HEMK2: variants seen among roughly 807,000 people sequenced by gnomAD.
HEMK2 encodes the protein HemK methyltransferase 2, ETF1 glutamine and histone H4 lysine.
the HEMK2 span, among the ~76,000 whole-genome samples, chr21:28,602,114 C>A: frequency 1.6e-4 from 24 of 152,106 alleles, no homozygotes; most frequent in Non-Finnish European, 2.2e-4. Flanking sequence ...ATTCATTTAA[C>A]TATGAAGGAG....
chr21:28,767,425 A>T, the HEMK2 span, among the ~76,000 whole-genome samples: 7 of 115,192 alleles, frequency 6.1e-5, no homozygotes, highest in South Asian at 2.5e-4. Context: ...CATGAGATTT[A>T]AAAAAAAAAA....
the HEMK2 span, among the ~76,000 whole-genome samples, chr21:28,644,573 G>A: frequency 6.6e-6 from 1 of 152,136 alleles, no homozygotes; most frequent in African/African-American, 2.4e-5. Flanking sequence ...CTTTCTCCCT[G>A]CTTATGTTTC....
the HEMK2 span, among the ~76,000 whole-genome samples, chr21:28,732,076 C>A: frequency 2.0e-5 from 3 of 152,348 alleles, no homozygotes; most frequent in East Asian, 5.8e-4. Context: ...GCCTCTCCTG[C>A]CGTTTTGTTC....
chr21:28,605,523 T>G, the HEMK2 span, among the ~76,000 whole-genome samples: 1 of 152,252 alleles, frequency 6.6e-6, no homozygotes, highest in Non-Finnish European at 1.5e-5. Flanking sequence ...GTGACTTTTT[T>G]TTTAACTAAG....
chr21:28,855,817 T>C, the HEMK2 span, among the ~76,000 whole-genome samples: 6 of 152,128 alleles, frequency 3.9e-5, no homozygotes, highest in Non-Finnish European at 8.8e-5. Flanking sequence ...TTGAAACTAA[T>C]GAGAACAAAC....
At chr21:28,830,473 T>C in the HEMK2 span, among the ~76,000 whole-genome samples, 2 of 152,180 alleles carry the variant, frequency 1.3e-5, no homozygotes, top group Non-Finnish European at 2.9e-5. Flanking sequence ...TATGGAACTG[T>C]GAGTCAATTA....
chr21:28,654,378 T>C, the HEMK2 span, among the ~76,000 whole-genome samples: 1 of 152,156 alleles, frequency 6.6e-6, no homozygotes, highest in African/African-American at 2.4e-5. Context: ...CAGCATTTTC[T>C]TTCTTTCTCT....
chr21:28,629,349 T>C, the HEMK2 span, among the ~76,000 whole-genome samples: 1 of 152,180 alleles, frequency 6.6e-6, no homozygotes, highest in African/African-American at 2.4e-5. Context: ...CAGTTATAAA[T>C]AAGTGGGCCT....
chr21:28,722,583 G>A, the HEMK2 span, among the ~76,000 whole-genome samples: 2 of 152,142 alleles, frequency 1.3e-5, no homozygotes, highest in East Asian at 1.9e-4. Context: ...TTATTCCTGG[G>A]AAGAAAGGCA....
the HEMK2 span, among the ~76,000 whole-genome samples, chr21:28,766,443 T>C: frequency 6.6e-6 from 1 of 151,268 alleles, no homozygotes; most frequent in Non-Finnish European, 1.5e-5. Flanking sequence ...GAAAACAGTA[T>C]GAGATGCCTT....
chr21:28,823,661 T>C, the HEMK2 span, among the ~76,000 whole-genome samples: 2 of 152,158 alleles, frequency 1.3e-5, no homozygotes, highest in Non-Finnish European at 2.9e-5. Context: ...TTATATTACC[T>C]TGTCTGTATC....
chr21:28,599,321 G>A, the HEMK2 span, among the ~76,000 whole-genome samples: 1 of 152,150 alleles, frequency 6.6e-6, no homozygotes, highest in African/African-American at 2.4e-5. Flanking sequence ...TATGGCTGGG[G>A]AGGCCTCACA....
At chr21:28,585,143 C>T in the HEMK2 span, among the ~76,000 whole-genome samples, 5 of 151,976 alleles carry the variant, frequency 3.3e-5, no homozygotes, top group African/African-American at 1.2e-4. Flanking sequence ...ACCAGCCTGT[C>T]CAACATGGTG....
At chr21:28,669,811 C>T in the HEMK2 span, among the ~76,000 whole-genome samples, 1 of 152,188 alleles carries the variant, frequency 6.6e-6, no homozygotes, top group Non-Finnish European at 1.5e-5. Flanking sequence ...GGTGACTTGT[C>T]ACTCAGCAAA....
chr21:28,862,700 G>A, the HEMK2 span, among the ~76,000 whole-genome samples: 1 of 151,584 alleles, frequency 6.6e-6, no homozygotes, highest in Non-Finnish European at 1.5e-5. Context: ...GTGACCAACT[G>A]CAGAAAGAAG....
the HEMK2 span, among the ~76,000 whole-genome samples, chr21:28,796,630 T>C: frequency 6.6e-6 from 1 of 152,144 alleles, no homozygotes; most frequent in Non-Finnish European, 1.5e-5. Context: ...AGTGGTGCAA[T>C]CACAGTTTAC....
At chr21:28,765,178 G>A in the HEMK2 span, among the ~76,000 whole-genome samples, 49 of 152,180 alleles carry the variant, frequency 3.2e-4, no homozygotes, top group African/African-American at 1.1e-3. Flanking sequence ...AAGAAATGGA[G>A]GCCCTCAACC....
the HEMK2 span, among the ~76,000 whole-genome samples, chr21:28,648,802 T>C: frequency 2.6e-5 from 4 of 152,198 alleles, no homozygotes; most frequent in African/African-American, 9.6e-5. Context: ...TTATTTATTA[T>C]ACTTTAAGTT....
At chr21:28,823,426 T>C in the HEMK2 span, among the ~76,000 whole-genome samples, 9 of 152,314 alleles carry the variant, frequency 5.9e-5, 1 homozygote, top group South Asian at 1.5e-3. Context: ...TATAAAAACA[T>C]AGATTTGGAT....
Sources: allele counts gnomAD v4.1 joint callset (sites outside exome capture counted in the v4.1 genomes callset), GRCh38; gene constraint gnomAD v4.1.1; transcripts MANE v1.5; gene names NCBI Gene and HGNC (gene_info 2026-07-23, HGNC 2026-07-21).